Variants in CCSER1 observed in about 807,000 individuals in gnomAD.
CCSER1 encodes serine-rich coiled-coil domain-containing protein 1.
Under a neutral mutation model 82.0 loss-of-function variants are expected in CCSER1, and 41 were observed. That is an observed-to-expected ratio of 0.50 (90% CI 0.39 to 0.65). The LOEUF (loss-of-function observed/expected upper bound fraction) is 0.65, where lower values mean the gene tolerates loss of function less well. CCSER1 is among the 30% of genes least tolerant of loss of function. The probability of loss-of-function intolerance (pLI) is 0.00; values close to 1 mark genes in which losing one functional copy is unlikely to be tolerated. For missense variants in CCSER1, 1,119 were observed against 1,064.2 expected, an observed-to-expected ratio of 1.05 and a Z score of -0.72; for synonymous variants, 414 against 383.9, an observed-to-expected ratio of 1.08 and a Z score of -0.92.
chr4:90,374,937 C>T (rs1003985859), intron 3 of CCSER1, among the ~76,000 whole-genome samples: 5 of 152,134 alleles, frequency 3.3e-5, no homozygotes, highest in East Asian at 1.9e-4. Context: ...CTACCATCCA[C>T]GATTATCTGT....
At chr4:91,198,130 A>G (rs998104381) in intron 10 of CCSER1, among the ~76,000 whole-genome samples, 10 of 152,206 alleles carry the variant, frequency 6.6e-5, no homozygotes, top group African/African-American at 2.4e-4. Context: ...TTTACAAATG[A>G]CAGATAATTG....
At chr4:90,703,095 C>T (rs1190266474) in intron 6 of CCSER1, among the ~76,000 whole-genome samples, 1 of 152,128 alleles carries the variant, frequency 6.6e-6, no homozygotes, top group Admixed American at 6.5e-5. Context: ...TTCCTGCTTT[C>T]TCTTATGGGC....
At chr4:91,467,925 A>C (rs1413927630) in intron 10 of CCSER1, among the ~76,000 whole-genome samples, 3 of 152,216 alleles carry the variant, frequency 2.0e-5, no homozygotes, top group Non-Finnish European at 2.9e-5. Context: ...TATTTCAACC[A>C]TTGTGGAAGA....
intron 5 of CCSER1, among the ~76,000 whole-genome samples, chr4:90,599,392 C>T (rs1287564695): frequency 6.6e-6 from 1 of 152,084 alleles, no homozygotes; most frequent in Non-Finnish European, 1.5e-5. Flanking sequence ...GTAAGACGTG[C>T]CTTGCTTCCC....
chr4:90,409,434 G>C (rs899587282), intron 4 of CCSER1, among the ~76,000 whole-genome samples: 1 of 152,130 alleles, frequency 6.6e-6, no homozygotes. Context: ...CTGATCTCTC[G>C]GCAGAAACTC....
intron 4 of CCSER1, among the ~76,000 whole-genome samples, chr4:90,459,812 G>C (rs1762648690): frequency 6.6e-6 from 1 of 152,044 alleles, no homozygotes; most frequent in African/African-American, 2.4e-5. Flanking sequence ...TTTCATGTTT[G>C]ACATTCAAGA....
At chr4:90,216,000 T>A (rs1740943653) in intron 1 of CCSER1, among the ~76,000 whole-genome samples, 1 of 152,156 alleles carries the variant, frequency 6.6e-6, no homozygotes, top group Admixed American at 6.5e-5. Flanking sequence ...TGAATTCCGC[T>A]CACCAACTGT....
At chr4:91,170,399 G>C (rs560296324) in intron 10 of CCSER1, among the ~76,000 whole-genome samples, 80 of 152,218 alleles carry the variant, frequency 5.3e-4, no homozygotes, top group African/African-American at 1.9e-3. Context: ...AAAAATGACA[G>C]AGACAAAGAA....
chr4:91,271,918 C>A (rs1742067845), intron 10 of CCSER1, among the ~76,000 whole-genome samples: 1 of 152,048 alleles, frequency 6.6e-6, no homozygotes, highest in South Asian at 2.1e-4. Flanking sequence ...CCACTCCTGG[C>A]TAATTTTGTA....
chr4:90,699,521 C>T (rs1222612394), intron 6 of CCSER1, among the ~76,000 whole-genome samples: 1 of 152,160 alleles, frequency 6.6e-6, no homozygotes, highest in Non-Finnish European at 1.5e-5. Context: ...AGGTCCATGG[C>T]AGCTATATTG....
intron 10 of CCSER1, among the ~76,000 whole-genome samples, chr4:91,385,538 T>C (rs1344371932): frequency 6.6e-6 from 1 of 151,702 alleles, no homozygotes; most frequent in Non-Finnish European, 1.5e-5. Context: ...ATTTAAAAAA[T>C]TTAAAGAGAT....
At chr4:91,387,102 A>G (rs1193623780) in intron 10 of CCSER1, among the ~76,000 whole-genome samples, 1 of 152,022 alleles carries the variant, frequency 6.6e-6, no homozygotes, top group Non-Finnish European at 1.5e-5. Flanking sequence ...TATTGTAGTA[A>G]TGTTAAATTT....
At chr4:90,287,643 A>G (rs1031720442) in intron 1 of CCSER1, among the ~76,000 whole-genome samples, 1 of 151,666 alleles carries the variant, frequency 6.6e-6, no homozygotes, top group Non-Finnish European at 1.5e-5. Context: ...AAATAAACTA[A>G]CATAGTAGAT....
intron 10 of CCSER1, among the ~76,000 whole-genome samples, chr4:91,168,797 G>C (rs1732444078): frequency 1.3e-5 from 2 of 152,192 alleles, no homozygotes; most frequent in African/African-American, 4.8e-5. Flanking sequence ...AGATCAGATT[G>C]TTACTGTGTC....
At chr4:91,571,550 G>T (rs757861373) in intron 10 of CCSER1, among the ~76,000 whole-genome samples, 2 of 152,072 alleles carry the variant, frequency 1.3e-5, no homozygotes, top group African/African-American at 4.8e-5. Context: ...ATGCCAGCAG[G>T]GTAAATGCCA....
intron 4 of CCSER1, among the ~76,000 whole-genome samples, chr4:90,404,779 G>A (rs941849391): frequency 2.6e-5 from 4 of 152,080 alleles, no homozygotes; most frequent in Non-Finnish European, 4.4e-5. Flanking sequence ...ACTGCAGTTC[G>A]GCTCTCAGGA....
chr4:90,469,926 A>C (rs1043752778), intron 5 of CCSER1, among the ~76,000 whole-genome samples: 3 of 152,122 alleles, frequency 2.0e-5, no homozygotes, highest in Non-Finnish European at 2.9e-5. Flanking sequence ...GAGCATCCTA[A>C]ATCCAAAAAT....
chr4:90,614,564 T>G (rs1448535481), intron 5 of CCSER1, among the ~76,000 whole-genome samples: 1 of 152,148 alleles, frequency 6.6e-6, no homozygotes, highest in Non-Finnish European at 1.5e-5. Flanking sequence ...ATGGAGAAAG[T>G]TTTAGTGGTC....
At chr4:90,472,877 G>A (rs144246971) in intron 5 of CCSER1, among the ~76,000 whole-genome samples, 1 of 152,184 alleles carries the variant, frequency 6.6e-6, no homozygotes, top group East Asian at 1.9e-4. Context: ...CCATAAAAAA[G>A]AGTGAAATCA....
Sources: gnomAD v4.1 joint callset for allele counts (sites outside exome capture counted in the v4.1 genomes callset) on GRCh38, gnomAD v4.1.1 for gene constraint, MANE v1.5 for transcripts, NCBI Gene and HGNC (gene_info 2026-07-23, HGNC 2026-07-21) for gene names.